RASA3: variants seen among roughly 807,000 people sequenced by gnomAD.
The protein encoded by RASA3 is ras GTPase-activating protein 3.
RASA3 carries 73 observed loss-of-function variants against 110.0 expected under a neutral mutation model. The ratio of observed to expected loss-of-function variants is 0.66; its 90% confidence interval spans 0.55 to 0.81. RASA3 has a LOEUF of 0.81. Among genes scored for constraint, RASA3 ranks in the 30% least tolerant of loss-of-function variants. The pLI is 0.00. For synonymous variants in RASA3, 500 were observed against 451.4 expected, an observed-to-expected ratio of 1.11 and a Z score of -1.37; for missense variants, 976 against 1,113.2, an observed-to-expected ratio of 0.88 and a Z score of 1.75.
At chr13:114,051,802 C>T (rs1010898949) in intron 3 of RASA3, among the ~76,000 whole-genome samples, 5 of 152,230 alleles carry the variant, frequency 3.3e-5, no homozygotes, top group Admixed American at 6.5e-5. Context: ...TGTGCTCTTG[C>T]CTTGAGGGGC....
intron 2 of RASA3, among the ~76,000 whole-genome samples, chr13:114,062,317 G>T (rs1350635355): frequency 6.8e-6 from 1 of 147,496 alleles, no homozygotes. Flanking sequence ...AATTCATTGA[G>T]GGGGGGCTCG....
Position 114,011,045 on chromosome 13 carries a change from C to T in RASA3, c.1590+126G>A. ...CTGGGTTTCAAGAGAGGATGTGGTGCCGGCTTTGATTCTTGATCTTTATCT... is the reference window on the plus strand; with the variant it reads ...CTGGGTTTCAAGAGAGGATGTGGTGTCGGCTTTGATTCTTGATCTTTATCT... On this transcript the variant is annotated intron_variant, in intron 16 of 23. Transcript: ENST00000334062. The surrounding 1 kb of genome is among the most constrained non-coding windows in gnomAD (Gnocchi z 4.8). The T allele has an allele frequency of 1.1e-6, 1 of 905,026 alleles. No homozygotes were observed. 56.1% of individuals were successfully genotyped at this position (905,026 alleles called of 1,614,324 possible).
chr13:114,095,930 G>A (rs886648980), intron 1 of RASA3, among the ~76,000 whole-genome samples: 10 of 152,276 alleles, frequency 6.6e-5, no homozygotes, highest in African/African-American at 2.2e-4. Context: ...ACTCAGCAGA[G>A]TGTGTGGGGG....
rs201049044 is a variant in RASA3 at position 113,999,585 on chromosome 13, G to C, written c.1932C>G (p.Asn644Lys). The C allele has an allele frequency of 6.2e-6, 10 of 1,613,194 alleles. No individual in the cohort carries two copies. Among genetic ancestry groups the C allele is most frequent in the Non-Finnish European group, 8.5e-6 (10 of 1,179,678 alleles). Residue 644 changes from asparagine to lysine, a missense_variant and splice_region_variant, in exon 20 of 24, where the codon AAC becomes AAG. Transcript: ENST00000334062. Reference sequence around the variant, plus strand: ...AGAGGCTTGGGGGCCCCACACTCACGTTTTTCATTTTGAAAGACTCCTCCT... The same window carrying C: ...AGAGGCTTGGGGGCCCCACACTCACCTTTTTCATTTTGAAAGACTCCTCCT... ...KLEEESFKMK[N>K]MFQVIQPERA...
At chr13:114,051,524 C>T (rs557138437) in intron 3 of RASA3, among the ~76,000 whole-genome samples, 1 of 152,206 alleles carries the variant, frequency 6.6e-6, no homozygotes, top group African/African-American at 2.4e-5. Flanking sequence ...CAGGGCTGCC[C>T]ATGAGCTTTC....
intron 11 of RASA3, among the ~76,000 whole-genome samples, chr13:114,017,732 G>C (rs1391134260): frequency 6.6e-6 from 1 of 152,208 alleles, no homozygotes; most frequent in Non-Finnish European, 1.5e-5. Flanking sequence ...AGTGGCTGCA[G>C]GTGCAGCCAG....
intron 9 of RASA3, among the ~76,000 whole-genome samples, chr13:114,019,980 T>C (rs1363018039): frequency 2.0e-5 from 1 of 51,212 alleles, no homozygotes; most frequent in Non-Finnish European, 3.3e-5. Context: ...GTCCGAGGCA[T>C]TAGCCCCCGC....
At chr13:114,078,565 C>T (rs1369270759) in intron 1 of RASA3, among the ~76,000 whole-genome samples, 1 of 152,240 alleles carries the variant, frequency 6.6e-6, no homozygotes, top group Non-Finnish European at 1.5e-5. Context: ...ACAGCCAACA[C>T]AGCACCTCGC....
At position 114,029,799 on chromosome 13, in the gene RASA3, G is replaced by A; in HGVS notation, c.449+12C>T. 1 of 1,588,600 alleles carries A rather than the reference G, an allele frequency of 6.3e-7. No homozygotes were observed. Among genetic ancestry groups the A allele is most frequent in the African/African-American group, 1.3e-5 (1 of 74,400 alleles). On this transcript the variant is annotated intron_variant, in intron 5 of 23. Coordinates refer to ENST00000334062, the MANE Select transcript of RASA3 (RefSeq NM_007368.4). The stretch of plus-strand genomic sequence containing the variant: ...CGCTGTGCGCTCGGTCTCTAGTGAG[G>A]ACGTGTCTTACCGTGTGGCGAGCTT...
chr13:114,123,967 CA>C (rs1310671122), intron 1 of RASA3, among the ~76,000 whole-genome samples: 2 of 152,194 alleles, frequency 1.3e-5, no homozygotes, highest in African/African-American at 4.8e-5. Context: ...GAGGAAAGAA[CA>C]GGTGCAGGAG....
intron 1 of RASA3, among the ~76,000 whole-genome samples, chr13:114,079,322 A>C (rs1253863735): frequency 1.3e-5 from 2 of 152,204 alleles, no homozygotes; most frequent in Non-Finnish European, 2.9e-5. Flanking sequence ...GCCCCGGTGC[A>C]TGGTCCAGCG....
rs1378767039 is a variant in RASA3 at position 114,083,689 on chromosome 13, G to A, written c.56-9852C>T. Among the ~76,000 whole-genome samples the A allele has an allele frequency of 8.7e-4, 69 of 79,752 alleles. 1 individual carries two copies. The highest frequency in any genetic ancestry group is 3.0e-3 in the South Asian group (5 of 1,668). The allele number at this position is 79,752 out of a possible 152,430, so 52.3% of individuals were successfully genotyped here. ...GGGGAAGTGGTGAGTCTGGAGTATCGACTCCCTTCGTCCTCGCGGGGAAAT... is the reference window on the plus strand; with the variant it reads ...GGGGAAGTGGTGAGTCTGGAGTATCAACTCCCTTCGTCCTCGCGGGGAAAT... On this transcript the variant is annotated intron_variant, in intron 1 of 23. Coordinates refer to ENST00000334062, the MANE Select transcript of RASA3 (RefSeq NM_007368.4).
chr13:114,007,552 G>C lies in RASA3; in HGVS notation c.1723C>G (p.Pro575Ala), dbSNP rs777973469. 6.2e-6 allele frequency: 10 copies of C among 1,613,180 alleles called. No homozygotes were observed. The highest frequency in any genetic ancestry group is 7.6e-6 in the Non-Finnish European group (9 of 1,179,714). The change falls in exon 18 of 24, where the codon CCC becomes GCC. Residue 575 changes from proline (P) to alanine (A), a missense_variant. Pro to Ala is a conservative substitution (Grantham distance 27). Around this residue, in one of 4 missense-constraint regions of RASA3, gnomAD observed 732 missense variants for 779.7 expected, o/e 0.94. Transcript: ENST00000334062. The part of the protein sequence containing the change: ...GRRDPKSVEQ[P>A]IVLKEGFMIK... Reference sequence around the variant, plus strand: ...CCTTACCCTTCTTTAAGCACGATGGGCTGCTCAACACTCTTGGGGTCTCTT... The same window carrying C: ...CCTTACCCTTCTTTAAGCACGATGGCCTGCTCAACACTCTTGGGGTCTCTT...
chr13:114,130,878 G>A (rs1342297150), intron 1 of RASA3, among the ~76,000 whole-genome samples: 1 of 152,140 alleles, frequency 6.6e-6, no homozygotes, highest in Non-Finnish European at 1.5e-5. Context: ...ACACTCCTCA[G>A]ACTCGCTGGC....
intron 3 of RASA3, among the ~76,000 whole-genome samples, chr13:114,045,509 G>A (rs2079038418): frequency 6.6e-6 from 1 of 152,198 alleles, no homozygotes; most frequent in South Asian, 2.1e-4. Flanking sequence ...GACAGGGAAT[G>A]CGGCTGAAAT....
chr13:113,977,783 TCAGA>T lies in RASA3; in HGVS notation c.*1560_*1563del, dbSNP rs1266651286. 1 of 152,294 alleles carries T rather than the reference TCAGA, an allele frequency of 6.6e-6. No homozygotes were observed. Among genetic ancestry groups the T allele is most frequent in the African/African-American group, 2.4e-5 (1 of 41,328 alleles). 9.4% of individuals were successfully genotyped at this position (152,294 alleles called of 1,614,324 possible). On this transcript the variant is annotated 3_prime_UTR_variant, in exon 24 of 24. Transcript: ENST00000334062. ...TACCACTGGAAAACCAAGGCAGTCC[TCAGA>T]AAGAATAAAACATCTGTTTTAATTG...
At chr13:113,991,489 T>C (rs1184043628) in intron 22 of RASA3, among the ~76,000 whole-genome samples, 1 of 152,246 alleles carries the variant, frequency 6.6e-6, no homozygotes, top group Non-Finnish European at 1.5e-5. Context: ...ATCCGAGTTC[T>C]ACCAGACACT....
At chr13:114,119,205 T>C (rs76875192) in intron 1 of RASA3, among the ~76,000 whole-genome samples, 1 of 152,172 alleles carries the variant, frequency 6.6e-6, no homozygotes, top group African/African-American at 2.4e-5. Context: ...AAAAATGTAG[T>C]GAGAAGTGTT....
At chr13:114,043,663 G>A (rs1350551039) in intron 3 of RASA3, among the ~76,000 whole-genome samples, 1 of 152,056 alleles carries the variant, frequency 6.6e-6, no homozygotes, top group Non-Finnish European at 1.5e-5. Context: ...CAAGAACCAA[G>A]GGGGCCGGCA....
Sources: gnomAD v4.1 joint callset for allele counts (sites outside exome capture counted in the v4.1 genomes callset) on GRCh38, gnomAD v4.1.1 for gene constraint, gnomAD v4.1.1 regional missense constraint, Gnocchi (gnomAD v3.1) non-coding constraint, MANE v1.5 for transcripts, NCBI Gene and HGNC (gene_info 2026-07-23, HGNC 2026-07-21) for gene names.